CASD1: variants seen among roughly 807,000 people sequenced by gnomAD.
CASD1 encodes CAS1 domain sialic acid O acetyltransferase 1, also known as N-acetylneuraminate (7)9-O-acetyltransferase.
In CASD1, 41 loss-of-function variants were observed where a neutral mutation model predicts 100.0. The observed-to-expected ratio is 0.41, with a 90% CI of 0.32 to 0.53. CASD1 has a LOEUF of 0.53. Among genes scored for constraint, CASD1 ranks in the 20% least tolerant of loss-of-function variants. The pLI is 0.25. For synonymous variants in CASD1, 321 were observed against 315.6 expected, an observed-to-expected ratio of 1.02 and a Z score of -0.18; for missense variants, 774 against 948.7, an observed-to-expected ratio of 0.82 and a Z score of 2.42.
At chr7:94,586,074 AAAAAAAAAAAAAAC>A in the CASD1 span, among the ~76,000 whole-genome samples, 28 of 150,026 alleles carry the variant, frequency 1.9e-4, no homozygotes, top group Non-Finnish European at 2.5e-4. Context: ...AAAAAAAAAA[AAAAAAAAAAAAAAC>A]AACAACTTCA....
chr7:94,541,537 G>GTTTTTTTTTTTTTTTTTTT, intron 10 of CASD1, among the ~76,000 whole-genome samples: 1 of 60,084 alleles, frequency 1.7e-5, no homozygotes, highest in Non-Finnish European at 2.8e-5. Flanking sequence ...TGTTCCACTG[G>GTTTTTTTTTTTTTTTTTTT]TTTTTTTTTT....
chr7:94,629,612 C>A, the CASD1 span: 1 of 999,304 alleles, frequency 1.0e-6, no homozygotes. Flanking sequence ...CATATTTAGA[C>A]CATTTGAAAT....
the CASD1 span, among the ~76,000 whole-genome samples, chr7:94,612,766 A>G: frequency 6.6e-6 from 1 of 152,034 alleles, no homozygotes; most frequent in South Asian, 2.1e-4. Flanking sequence ...TGAGCTCATC[A>G]TTACCCCACC....
At chr7:94,538,066 C>T (rs908190607) in intron 9 of CASD1, among the ~76,000 whole-genome samples, 172 bp downstream of exon 9, 2 of 151,882 alleles carry the variant, frequency 1.3e-5, no homozygotes, top group Non-Finnish European at 1.5e-5. Flanking sequence ...GTTCCTTTTT[C>T]GGAACAGTTT....
chr7:94,551,260 A>G, intron 14 of CASD1, 78 bp from the exon 15 acceptor site: 2 of 1,176,736 alleles, frequency 1.7e-6, no homozygotes, highest in South Asian at 1.6e-5. Flanking sequence ...TTATTCATAT[A>G]TTCCTCACTA....
chr7:94,585,398 T>C, the CASD1 span: 7,566 of 1,027,846 alleles, frequency 7.4e-3, 39 homozygotes, highest in Non-Finnish European at 0.01. Context: ...ATGCATAACA[T>C]ATGCCAGAAA....
the CASD1 span, among the ~76,000 whole-genome samples, chr7:94,563,867 T>A: frequency 6.6e-6 from 1 of 152,170 alleles, no homozygotes; most frequent in African/African-American, 2.4e-5. Flanking sequence ...TGTCTTGTCA[T>A]AGCCCTGACT....
the CASD1 span, among the ~76,000 whole-genome samples, chr7:94,570,501 T>C: frequency 6.6e-6 from 1 of 152,108 alleles, no homozygotes; most frequent in African/African-American, 2.4e-5. Context: ...AAATTTGTCT[T>C]TTTTTGGCGG....
chr7:94,511,734 T>G (rs1275537578), intron 1 of CASD1, among the ~76,000 whole-genome samples: 2 of 152,236 alleles, frequency 1.3e-5, no homozygotes, highest in African/African-American at 4.8e-5. Flanking sequence ...ACTATTGTCC[T>G]AAGATAAATA....
In CASD1 at chr7:94,516,742, G is replaced by T. The variant is rs1208531628; in HGVS notation, c.134-818G>T. ...CTAATGTACAGTAAAATATCCAAAAGTGTAGAGTGACTCTTTGTCTCAGTT... is the reference window on the plus strand; with the variant it reads ...CTAATGTACAGTAAAATATCCAAAATTGTAGAGTGACTCTTTGTCTCAGTT... On this transcript the variant is annotated intron_variant, in intron 1 of 17. Coordinates refer to ENST00000297273, the MANE Select transcript of CASD1 (RefSeq NM_022900.5). 2.0e-5 allele frequency among the ~76,000 whole-genome samples: 3 copies of T among 151,418 alleles called. No individual in the cohort carries two copies. The East Asian group carries it at 5.8e-4, about 29-fold the overall frequency.
At chr7:94,564,804 T>C in the CASD1 span, among the ~76,000 whole-genome samples, 3 of 152,160 alleles carry the variant, frequency 2.0e-5, no homozygotes, top group Admixed American at 2.0e-4. Context: ...AACAATCACA[T>C]TAGTAAATGT....
intron 17 of CASD1, 84 bp downstream of exon 17, chr7:94,554,659 CAT>C (rs926185437): frequency 1.3e-4 from 98 of 761,390 alleles, no homozygotes; most frequent in Non-Finnish European, 1.9e-4. Flanking sequence ...AAATATCACA[CAT>C]ATATGTGAGT....
At chr7:94,567,966 A>T in the CASD1 span, among the ~76,000 whole-genome samples, 13 of 152,302 alleles carry the variant, frequency 8.5e-5, no homozygotes, top group Admixed American at 7.8e-4. Flanking sequence ...TATAAAGTTC[A>T]TATGATTCCA....
At chr7:94,572,895 G>A in the CASD1 span, among the ~76,000 whole-genome samples, 1 of 152,160 alleles carries the variant, frequency 6.6e-6, no homozygotes, top group African/African-American at 2.4e-5. Context: ...TCCATCTTGA[G>A]TTGATTTTTT....
chr7:94,537,980 A>G, intron 9 of CASD1, 86 bp downstream of exon 9: 2 of 755,000 alleles, frequency 2.6e-6, no homozygotes, highest in South Asian at 3.7e-5. Flanking sequence ...ATTTATCATG[A>G]CAAAATACAC....
intron 8 of CASD1, among the ~76,000 whole-genome samples, 177 bp downstream of exon 8, chr7:94,535,700 T>C (rs1795083965): frequency 6.6e-6 from 1 of 152,202 alleles, no homozygotes; most frequent in Admixed American, 6.5e-5. Flanking sequence ...TAGTTGAATA[T>C]ATACGTAAGA....
the CASD1 span, among the ~76,000 whole-genome samples, chr7:94,571,007 G>A: frequency 6.8e-6 from 1 of 148,106 alleles, no homozygotes; most frequent in Non-Finnish European, 1.5e-5. Context: ...GAATGCTTCA[G>A]CTTTTCTTTA....
intron 7 of CASD1, 105 bp downstream of exon 7, chr7:94,533,907 A>AT (rs1047496456): frequency 4.3e-5 from 47 of 1,085,150 alleles, no homozygotes; most frequent in Non-Finnish European, 5.4e-5. Context: ...ATGAGAATTA[A>AT]TTTTGAAACA....
the CASD1 span, among the ~76,000 whole-genome samples, chr7:94,573,706 T>A: frequency 6.6e-6 from 1 of 151,654 alleles, no homozygotes; most frequent in Non-Finnish European, 1.5e-5. Flanking sequence ...TTTTCCTGTT[T>A]GGATGCCCTT....
Sources: gnomAD v4.1 joint callset for allele counts (sites outside exome capture counted in the v4.1 genomes callset) on GRCh38, gnomAD v4.1.1 for gene constraint, MANE v1.5 for transcripts, NCBI Gene and HGNC (gene_info 2026-07-23, HGNC 2026-07-21) for gene names.